The following GREM2 variants were observed in gnomAD, a reference collection of about 807,000 sequenced individuals.
GREM2 encodes gremlin-2.
A neutral mutation model predicts 14.2 loss-of-function variants in GREM2; 11 were observed. The observed-to-expected ratio is 0.78, with a 90% CI of 0.49 to 1.28. The LOEUF is 1.28. GREM2 is among the 50% of genes most tolerant of loss of function. GREM2 has a pLI of 0.00. For missense variants in GREM2, 210 were observed against 218.5 expected (o/e 0.96, Z 0.24); for synonymous variants, 98 against 97.6 (o/e 1.00, Z -0.02).
intron 1 of GREM2, among the ~76,000 whole-genome samples, chr1:240,590,390 C>T (rs951788959): frequency 6.7e-6 from 1 of 150,210 alleles, no homozygotes; most frequent in African/African-American, 2.4e-5. Context: ...TGGTCCTGCT[C>T]TTTATGGGTT....
intron 1 of GREM2, among the ~76,000 whole-genome samples, chr1:240,611,437 G>T (rs1020429834): frequency 6.6e-6 from 1 of 152,058 alleles, no homozygotes; most frequent in Non-Finnish European, 1.5e-5. Context: ...AAACTCTGCC[G>T]AAGTCCGCTG....
At chr1:240,593,325 A>T (rs1308371041) in intron 1 of GREM2, among the ~76,000 whole-genome samples, 1 of 151,774 alleles carries the variant, frequency 6.6e-6, no homozygotes. Context: ...CATGACATTT[A>T]TCTTAGTGTC....
intron 1 of GREM2, among the ~76,000 whole-genome samples, chr1:240,511,678 G>A (rs1677834331): frequency 6.6e-6 from 1 of 152,170 alleles, no homozygotes. Context: ...GCTTGAACCT[G>A]AGAGGTGGAG....
intron 1 of GREM2, among the ~76,000 whole-genome samples, chr1:240,498,730 A>T (rs886722408): frequency 1.8e-4 from 27 of 152,126 alleles, no homozygotes; most frequent in African/African-American, 6.5e-4. Flanking sequence ...CACACAATTA[A>T]CCTTTCAGGA....
chr1:240,600,222 C>CGAG (rs10679321), intron 1 of GREM2, among the ~76,000 whole-genome samples: 97,458 of 151,556 alleles, frequency 0.64, 31,627 homozygotes, highest in East Asian at 0.89. Flanking sequence ...ATGTGTAAAA[C>CGAG]GAGATTACGT....
intron 1 of GREM2, among the ~76,000 whole-genome samples, chr1:240,608,513 T>G (rs1680074938): frequency 6.6e-6 from 1 of 152,208 alleles, no homozygotes; most frequent in South Asian, 2.1e-4. Context: ...ATGATAAGAT[T>G]AGCTTCCTCT....
intron 1 of GREM2, among the ~76,000 whole-genome samples, chr1:240,552,418 A>T (rs1334335243): frequency 2.0e-5 from 3 of 152,054 alleles, no homozygotes; most frequent in African/African-American, 7.2e-5. Context: ...TGGTCTGTAC[A>T]AAAAAATTAA....
chr1:240,601,699 G>C (rs184288304), intron 1 of GREM2, among the ~76,000 whole-genome samples: 2,062 of 152,238 alleles, frequency 0.014, 23 homozygotes, highest in Non-Finnish European at 0.021. Context: ...CTGAGGTCAG[G>C]AGTTCGAGAC....
intron 1 of GREM2, among the ~76,000 whole-genome samples, chr1:240,523,407 G>A (rs1279225684): frequency 6.6e-6 from 1 of 152,138 alleles, no homozygotes; most frequent in African/African-American, 2.4e-5. Flanking sequence ...CCACCCATTA[G>A]ACACCAGTAG....
intron 1 of GREM2, among the ~76,000 whole-genome samples, chr1:240,535,645 A>T (rs896039534): frequency 2.6e-5 from 4 of 152,034 alleles, no homozygotes; most frequent in African/African-American, 9.7e-5. Context: ...CTAAAAATAC[A>T]AGAATTAGCC....
At chr1:240,605,312 CA>C in intron 1 of GREM2, among the ~76,000 whole-genome samples, 1 of 152,050 alleles carries the variant, frequency 6.6e-6, no homozygotes, top group East Asian at 1.9e-4. Context: ...CAAACATCTC[CA>C]AAAAAATTGA....
At chr1:240,598,509 C>T (rs1679862499) in intron 1 of GREM2, among the ~76,000 whole-genome samples, 3 of 152,174 alleles carry the variant, frequency 2.0e-5, no homozygotes, top group Admixed American at 2.0e-4. Context: ...ATTTTCTTCC[C>T]TTTGTACAAA....
intron 1 of GREM2, among the ~76,000 whole-genome samples, chr1:240,537,920 T>C (rs1678508243): frequency 6.6e-6 from 1 of 152,258 alleles, no homozygotes; most frequent in Admixed American, 6.5e-5. Context: ...ATAACTTTCA[T>C]AATGTCCTGT....
At chr1:240,600,684 A>G (rs1307821210) in intron 1 of GREM2, among the ~76,000 whole-genome samples, 1 of 151,936 alleles carries the variant, frequency 6.6e-6, no homozygotes, top group Admixed American at 6.6e-5. Flanking sequence ...GGGCTTCACC[A>G]TGTTGGCCAG....
intron 1 of GREM2, among the ~76,000 whole-genome samples, chr1:240,552,593 G>A (rs1019777145): frequency 8.5e-5 from 13 of 152,096 alleles, no homozygotes; most frequent in African/African-American, 2.9e-4. Context: ...CTCTAAAATC[G>A]TTTTAAATTG....
chr1:240,493,461 A>G lies in GREM2; in HGVS notation c.15T>C (p.Leu5=). 6.2e-7 allele frequency: 1 copy of G among 1,606,734 alleles called. No individual in the cohort carries two copies. The highest frequency in any genetic ancestry group is 8.5e-7 in the Non-Finnish European group (1 of 1,175,998). ...CCGCCACCAGGAACAAGGACAGGGA[A>G]AGCTTCCAGAACATCCTGCAAACGA... The part of the protein sequence containing the change: MFWK[L]SLSLFLVAVL... Residue 5 remains leucine, a synonymous_variant, in exon 2 of 2, where the codon CTT becomes CTC. Coordinates refer to ENST00000318160, the MANE Select transcript of GREM2 (RefSeq NM_022469.4).
intron 1 of GREM2, among the ~76,000 whole-genome samples, chr1:240,554,679 T>C (rs1185207773): frequency 1.3e-5 from 2 of 152,220 alleles, no homozygotes; most frequent in African/African-American, 4.8e-5. Flanking sequence ...TAAACAGAAC[T>C]GAGATTAAAT....
rs1558132672 is a variant in GREM2, at chr1:240,489,799, T to G, written c.*3170A>C. The G allele has an allele frequency of 6.6e-6, 1 of 152,214 alleles. No homozygotes were observed. Among genetic ancestry groups the G allele is most frequent in the Non-Finnish European group, 1.5e-5 (1 of 68,032 alleles). The allele number at this position is 152,214 out of a possible 1,614,324, so 9.4% of individuals were successfully genotyped here. On this transcript the variant is annotated 3_prime_UTR_variant, in exon 2 of 2. Transcript: ENST00000318160. ...ATAGCAAAAGTCATTTTCATTGACT[T>G]TATAACTTAAAAATCATCTGGCCAA...
rs545210608 is a variant in GREM2, at chr1:240,537,742, G to A, written c.-1-44266C>T. On this transcript the variant is annotated intron_variant, in intron 1 of 1. Transcript: ENST00000318160. Reference sequence around the variant, plus strand: ...GGAGGTTGCAGTGAGCCGAGATGGCGCCACTGCACTCCAGCCTGGCAATAT... The same window carrying A: ...GGAGGTTGCAGTGAGCCGAGATGGCACCACTGCACTCCAGCCTGGCAATAT... Among the ~76,000 whole-genome samples, 387 of 152,136 alleles carry A rather than the reference G, an allele frequency of 2.5e-3. 2 individuals are homozygous for A. The highest frequency in any genetic ancestry group is 8.8e-3 in the African/African-American group (365 of 41,516).
Sources: gnomAD v4.1 joint callset for allele counts (sites outside exome capture counted in the v4.1 genomes callset) on GRCh38, gnomAD v4.1.1 for gene constraint, MANE v1.5 for transcripts, NCBI Gene and HGNC (gene_info 2026-07-23, HGNC 2026-07-21) for gene names.